The following COL25A1 variants were observed in gnomAD, a reference collection of about 807,000 sequenced individuals.
COL25A1 encodes collagen alpha-1(XXV) chain.
COL25A1 carries 103 observed loss-of-function variants against 128.4 expected under a neutral mutation model. The observed-to-expected ratio is 0.80, with a 90% CI of 0.68 to 0.94. The LOEUF is 0.94. COL25A1 is among the 40% of genes least tolerant of loss of function. The pLI, the probability that COL25A1 is intolerant of heterozygous loss-of-function variation, is 0.00. For missense variants in COL25A1, 745 were observed against 840.0 expected, an observed-to-expected ratio of 0.89 and a Z score of 1.40; for synonymous variants, 279 against 277.2, an observed-to-expected ratio of 1.01 and a Z score of -0.06.
At chr4:109,260,143 C>T (rs1279123638) in intron 3 of COL25A1, among the ~76,000 whole-genome samples, 1 of 152,186 alleles carries the variant, frequency 6.6e-6, no homozygotes, top group African/African-American at 2.4e-5. Context: ...TTTTCTACAT[C>T]AATATTTTGA....
intron 6 of COL25A1, among the ~76,000 whole-genome samples, chr4:108,976,663 T>C (rs369206601): frequency 2.2e-4 from 34 of 152,210 alleles, no homozygotes; most frequent in African/African-American, 7.2e-4. Flanking sequence ...TCTAGCAAAG[T>C]ACCCCATCCT....
intron 6 of COL25A1, among the ~76,000 whole-genome samples, chr4:108,986,291 T>C (rs1459031548): frequency 6.6e-6 from 1 of 152,204 alleles, no homozygotes; most frequent in Admixed American, 6.5e-5. Flanking sequence ...TAATCTACAA[T>C]GAAAAAGTTG....
intron 11 of COL25A1, among the ~76,000 whole-genome samples, chr4:108,934,625 A>T (rs1747193051): frequency 6.6e-6 from 1 of 152,172 alleles, no homozygotes; most frequent in Admixed American, 6.5e-5. Context: ...ATTTCTTTTT[A>T]AAAAGATAGA....
intron 25 of COL25A1, among the ~76,000 whole-genome samples, chr4:108,852,496 TGG>T (rs1735904868): frequency 6.6e-6 from 1 of 152,192 alleles, no homozygotes; most frequent in Non-Finnish European, 1.5e-5. Context: ...CAAAATAATG[TGG>T]AAGGTGCTTC....
intron 5 of COL25A1, among the ~76,000 whole-genome samples, chr4:109,016,365 G>A (rs578120169): frequency 6.6e-6 from 1 of 152,370 alleles, no homozygotes; most frequent in African/African-American, 2.4e-5. Context: ...AGGCCTGCAG[G>A]TGCCTCTTGG....
At chr4:109,103,006 T>C (rs1766053985) in intron 3 of COL25A1, among the ~76,000 whole-genome samples, 1 of 152,184 alleles carries the variant, frequency 6.6e-6, no homozygotes. Context: ...ATGTAAATAC[T>C]ATAGATATCG....
At chr4:109,010,265 G>T (rs1756447099) in intron 6 of COL25A1, 93 bp downstream of exon 6, 2 of 1,040,252 alleles carry the variant, frequency 1.9e-6, no homozygotes, top group Admixed American at 2.6e-5. Flanking sequence ...TCAGTTCATA[G>T]CTTTTTTATA....
chr4:108,973,709 T>A (rs2125987774), intron 8 of COL25A1, among the ~76,000 whole-genome samples: 1 of 152,256 alleles, frequency 6.6e-6, no homozygotes, highest in Middle Eastern at 3.4e-3. Context: ...AACATTTGGG[T>A]AATAAGGCAC....
At chr4:109,134,209 T>C (rs892870006) in intron 3 of COL25A1, among the ~76,000 whole-genome samples, 1 of 147,422 alleles carries the variant, frequency 6.8e-6, no homozygotes, top group African/African-American at 2.6e-5. Flanking sequence ...TTTTTTTTTC[T>C]TATAGGTAAT....
Position 109,276,137 on chromosome 4 carries a change from G to A in COL25A1, c.367+24446C>T, listed in dbSNP as rs373457977. Among the ~76,000 whole-genome samples, 23 of 152,078 alleles carry A rather than the reference G, an allele frequency of 1.5e-4. No individual in the cohort carries two copies. The South Asian group carries it at 1.9e-3, about 12-fold the overall frequency. Reference sequence around the variant, plus strand: ...AGATTGTCTTATTTCTTGGCCAGGCGCAGTGGCTTATGCCTATAATCCCAG... The same window carrying A: ...AGATTGTCTTATTTCTTGGCCAGGCACAGTGGCTTATGCCTATAATCCCAG... On this transcript the variant is annotated intron_variant, in intron 3 of 37. Transcript: ENST00000399132.
intron 5 of COL25A1, among the ~76,000 whole-genome samples, chr4:109,020,014 T>C (rs1458225382): frequency 1.3e-5 from 2 of 152,204 alleles, no homozygotes; most frequent in Admixed American, 6.5e-5. Context: ...ATATATCTGA[T>C]TCCAACACTT....
intron 6 of COL25A1, among the ~76,000 whole-genome samples, chr4:108,980,582 A>G (rs1327591344): frequency 6.6e-6 from 1 of 152,220 alleles, no homozygotes; most frequent in East Asian, 1.9e-4. Flanking sequence ...ATAGCTGAGG[A>G]GAGAGAAAAC....
intron 3 of COL25A1, among the ~76,000 whole-genome samples, chr4:109,209,886 A>C (rs1044468512): frequency 6.6e-6 from 1 of 151,964 alleles, no homozygotes; most frequent in Non-Finnish European, 1.5e-5. Flanking sequence ...AAACCCATCA[A>C]CTAAAAATAG....
chr4:108,814,656 G>A (rs1731085323), intron 37 of COL25A1, among the ~76,000 whole-genome samples: 1 of 152,228 alleles, frequency 6.6e-6, no homozygotes, highest in South Asian at 2.1e-4. Context: ...CTGAGGAACA[G>A]AGGTCTTTGA....
At chr4:109,164,910 C>T (rs943589432) in intron 3 of COL25A1, among the ~76,000 whole-genome samples, 1 of 152,140 alleles carries the variant, frequency 6.6e-6, no homozygotes, top group Non-Finnish European at 1.5e-5. Flanking sequence ...TTGCTTATTA[C>T]TAAGTCTGGT....
chr4:108,976,532 A>G (rs1752463522), intron 6 of COL25A1, among the ~76,000 whole-genome samples: 1 of 152,336 alleles, frequency 6.6e-6, no homozygotes, highest in East Asian at 1.9e-4. Context: ...TTAAAGATAA[A>G]GTCATGTTTT....
chr4:108,909,454 T>A lies in COL25A1; in HGVS notation c.781-8282A>T, dbSNP rs59113615. 1.3e-5 allele frequency among the ~76,000 whole-genome samples: 2 copies of A among 152,172 alleles called. 1 individual carries two copies. Among genetic ancestry groups the A allele is most frequent in the Admixed American group, 1.3e-4 (2 of 15,270 alleles). On this transcript the variant is annotated intron_variant, in intron 13 of 37. Coordinates refer to ENST00000399132, the MANE Select transcript of COL25A1 (RefSeq NM_198721.4). The stretch of plus-strand genomic sequence containing the variant: ...TAACCTGGTGACCAAACCTTCCTTA[T>A]GCTTTTTAAAAAATTACACATGTCT...
chr4:108,901,769 AT>A (rs1208502991), intron 13 of COL25A1, among the ~76,000 whole-genome samples: 1 of 152,112 alleles, frequency 6.6e-6, no homozygotes, highest in Non-Finnish European at 1.5e-5. Flanking sequence ...GCCATATTGA[AT>A]GATAGGCTTT....
At chr4:109,200,436 C>G (rs1776463497) in intron 3 of COL25A1, among the ~76,000 whole-genome samples, 1 of 151,712 alleles carries the variant, frequency 6.6e-6, no homozygotes, top group Non-Finnish European at 1.5e-5. Flanking sequence ...GATATGGTAT[C>G]ATTTTGGTTC....
Sources: gnomAD v4.1 joint callset for allele counts (sites outside exome capture counted in the v4.1 genomes callset) on GRCh38, gnomAD v4.1.1 for gene constraint, MANE v1.5 for transcripts, NCBI Gene and HGNC (gene_info 2026-07-23, HGNC 2026-07-21) for gene names.